Variants in MED27 observed in about 807,000 individuals in gnomAD.
The protein encoded by MED27 is mediator complex subunit 27, also known as mediator of RNA polymerase II transcription subunit 27.
Under a neutral mutation model 38.2 loss-of-function variants are expected in MED27, and 30 were observed. The observed-to-expected ratio is 0.79, with a 90% confidence interval of 0.59 to 1.07. The LOEUF (loss-of-function observed/expected upper bound fraction) is 1.07. Among genes scored for constraint, MED27 ranks in the 50% least tolerant of loss-of-function variants. The pLI is 0.00. For missense variants in MED27, 289 were observed against 397.5 expected, an observed-to-expected ratio of 0.73 and a Z score of 2.32; for synonymous variants, 122 against 153.5, an observed-to-expected ratio of 0.79 and a Z score of 1.52.
At chr9:131,976,068 G>C (rs1248815533) in intron 3 of MED27, among the ~76,000 whole-genome samples, 2 of 152,206 alleles carry the variant, frequency 1.3e-5, no homozygotes, top group East Asian at 1.9e-4. Context: ...AGGGCTGTAA[G>C]GGCACAGAGA....
intron 4 of MED27, among the ~76,000 whole-genome samples, chr9:131,919,985 AT>A (rs946092235): frequency 1.3e-5 from 2 of 151,812 alleles, no homozygotes; most frequent in Admixed American, 1.3e-4. Context: ...AATTTTTAAA[AT>A]TTTTTGTAGA....
At chr9:131,933,021 G>A (rs908794178) in intron 4 of MED27, among the ~76,000 whole-genome samples, 2 of 152,090 alleles carry the variant, frequency 1.3e-5, no homozygotes, top group African/African-American at 4.8e-5. Context: ...AAAACCATGC[G>A]ATCATTTCAA....
intron 6 of MED27, among the ~76,000 whole-genome samples, chr9:131,881,924 T>C (rs1294393924): frequency 6.6e-6 from 1 of 150,486 alleles, no homozygotes; most frequent in Non-Finnish European, 1.5e-5. Flanking sequence ...CCTGGCTGAT[T>C]TGTGTATTTT....
chr9:132,058,648 A>C (rs1462234043), intron 2 of MED27, among the ~76,000 whole-genome samples: 1 of 152,180 alleles, frequency 6.6e-6, no homozygotes, highest in Non-Finnish European at 1.5e-5. Context: ...TAAATTACCT[A>C]GTCTCAGGTA....
At chr9:131,958,680 G>C (rs1049043025) in intron 3 of MED27, among the ~76,000 whole-genome samples, 52 of 152,186 alleles carry the variant, frequency 3.4e-4, no homozygotes, top group Admixed American at 1.8e-3. Flanking sequence ...AGCTCCCACC[G>C]TGGTGCCAAA....
rs66519112 is a variant in MED27, at chr9:131,986,999, A to ATTTTTTTTT, written c.479+27329_479+27337dup. The stretch of plus-strand genomic sequence containing the variant: ...CATGGGCCTTTCCTTGAGTTCATGG[A>ATTTTTTTTT]TTTTTTTTTTTTTTTTTTTTTTTTT... On this transcript the variant is annotated intron_variant, in intron 3 of 7. Coordinates refer to ENST00000292035, the MANE Select transcript of MED27 (RefSeq NM_004269.4). Among the ~76,000 whole-genome samples the ATTTTTTTTT allele has an allele frequency of 1.7e-4, 8 of 46,254 alleles. 1 individual carries two copies. Among genetic ancestry groups the ATTTTTTTTT allele is most frequent in the Admixed American group, 3.5e-4 (1 of 2,882 alleles). The allele number at this position is 46,254 out of a possible 152,430, so 30.3% of individuals were successfully genotyped here.
At chr9:131,988,378 A>G (rs1417675336) in intron 3 of MED27, among the ~76,000 whole-genome samples, 1 of 152,208 alleles carries the variant, frequency 6.6e-6, no homozygotes, top group African/African-American at 2.4e-5. Context: ...TTTGAACCGC[A>G]TGAGTCCACT....
At chr9:132,073,447 C>G (rs1833984218) in intron 2 of MED27, 1 of 1,126,720 alleles carries the variant, frequency 8.9e-7, no homozygotes. Flanking sequence ...GGACTCCCAG[C>G]AAGGAACAAG....
chr9:132,025,995 T>G (rs1347043812), intron 2 of MED27, among the ~76,000 whole-genome samples: 4 of 151,498 alleles, frequency 2.6e-5, no homozygotes, highest in African/African-American at 4.9e-5. Flanking sequence ...GGAAGGGGAA[T>G]GCACAGGAAT....
chr9:131,991,183 T>A (rs538679528), intron 3 of MED27, among the ~76,000 whole-genome samples: 2 of 152,072 alleles, frequency 1.3e-5, no homozygotes, highest in South Asian at 4.1e-4. Context: ...TATGTTAAAG[T>A]ACAGCTGCGT....
chr9:131,877,069 G>C (rs1278501667), intron 6 of MED27, among the ~76,000 whole-genome samples: 1 of 152,214 alleles, frequency 6.6e-6, no homozygotes, highest in African/African-American at 2.4e-5. Context: ...ACTCTGGGAG[G>C]CAGCTCCCAG....
intron 2 of MED27, among the ~76,000 whole-genome samples, chr9:132,015,349 T>C (rs866949683): frequency 2.0e-5 from 3 of 152,326 alleles, no homozygotes; most frequent in South Asian, 2.1e-4. Context: ...ATCCCTTACT[T>C]GATCCCTGGA....
chr9:132,053,325 T>C (rs1284052209), intron 2 of MED27, among the ~76,000 whole-genome samples: 3 of 150,454 alleles, frequency 2.0e-5, no homozygotes, highest in African/African-American at 7.4e-5. Flanking sequence ...TGAGAAAACA[T>C]GATAAGGGAA....
intron 4 of MED27, among the ~76,000 whole-genome samples, chr9:131,909,150 G>A (rs910087969): frequency 7.2e-5 from 11 of 152,162 alleles, no homozygotes; most frequent in African/African-American, 2.4e-5. Flanking sequence ...TCTGGTTTGA[G>A]CACCAGGTAA....
chr9:131,901,373 T>G (rs1273229908), intron 4 of MED27, among the ~76,000 whole-genome samples: 4 of 151,422 alleles, frequency 2.6e-5, no homozygotes, highest in African/African-American at 9.7e-5. Flanking sequence ...TCATTTTCTC[T>G]AACTCTCCCA....
intron 2 of MED27, among the ~76,000 whole-genome samples, chr9:132,072,448 T>C (rs1833961337): frequency 6.6e-6 from 1 of 152,152 alleles, no homozygotes; most frequent in South Asian, 2.1e-4. Flanking sequence ...TTGTTATACC[T>C]TCCTTGACTT....
chr9:131,896,441 G>A (rs989514386), intron 4 of MED27, among the ~76,000 whole-genome samples: 10 of 152,100 alleles, frequency 6.6e-5, no homozygotes, highest in Admixed American at 5.9e-4. Flanking sequence ...TCTTAAGATG[G>A]ATTTTAGAAA....
chr9:132,030,373 G>A (rs538003214), intron 2 of MED27, among the ~76,000 whole-genome samples: 2 of 152,270 alleles, frequency 1.3e-5, no homozygotes, highest in Admixed American at 1.3e-4. Context: ...CTCCAGAAAA[G>A]CTAACTGCTG....
At chr9:132,010,686 G>A (rs964159977) in intron 3 of MED27, among the ~76,000 whole-genome samples, 2 of 152,098 alleles carry the variant, frequency 1.3e-5, no homozygotes, top group African/African-American at 2.4e-5. Context: ...TATACACCAC[G>A]GAATACTATG....
Sources: allele counts gnomAD v4.1 joint callset (sites outside exome capture counted in the v4.1 genomes callset), GRCh38; gene constraint gnomAD v4.1.1; transcripts MANE v1.5; gene names NCBI Gene and HGNC (gene_info 2026-07-23, HGNC 2026-07-21).